The following FHIT variants were observed in gnomAD, a reference collection of about 807,000 sequenced individuals.
FHIT encodes bis(5'-adenosyl)-triphosphatase.
Under a neutral mutation model 17.9 loss-of-function variants are expected in FHIT, and 19 were observed. The observed-to-expected ratio is 1.06, with a 90% CI of 0.74 to 1.56. FHIT has a LOEUF of 1.56. FHIT is among the 40% of genes most tolerant of loss of function. FHIT has a pLI of 0.00. For missense variants in FHIT, 248 were observed against 189.2 expected (o/e 1.31, Z -1.82); for synonymous variants, 81 against 69.7 (o/e 1.16, Z -0.81).
At chr3:60,920,995 G>C (rs781920376) in intron 3 of FHIT, among the ~76,000 whole-genome samples, 4 of 152,152 alleles carry the variant, frequency 2.6e-5, no homozygotes, top group Non-Finnish European at 5.9e-5. Flanking sequence ...AACTGTATAA[G>C]TATAGGTTCA....
chr3:60,893,155 A>G (rs1392755308), intron 3 of FHIT, among the ~76,000 whole-genome samples: 2 of 152,192 alleles, frequency 1.3e-5, no homozygotes, highest in African/African-American at 2.4e-5. Context: ...AGAGAAAAGG[A>G]GCATCCTTAT....
intron 5 of FHIT, among the ~76,000 whole-genome samples, chr3:60,381,514 A>G: frequency 6.6e-6 from 1 of 152,054 alleles, no homozygotes; most frequent in East Asian, 1.9e-4. Context: ...AGAAAAGATC[A>G]TTAGACATAA....
intron 7 of FHIT, among the ~76,000 whole-genome samples, chr3:59,924,083 T>C (rs189886807): frequency 1.3e-5 from 2 of 152,196 alleles, no homozygotes; most frequent in East Asian, 3.9e-4. Context: ...AAACTACCCA[T>C]GAAACCAAAT....
At chr3:60,652,843 G>A (rs1553688644) in intron 4 of FHIT, among the ~76,000 whole-genome samples, 1 of 151,856 alleles carries the variant, frequency 6.6e-6, no homozygotes, top group African/African-American at 2.4e-5. Context: ...CTGGGAGGCA[G>A]AGGTTGCAGT....
chr3:60,869,328 A>G (rs1448253723), intron 3 of FHIT, among the ~76,000 whole-genome samples: 1 of 152,154 alleles, frequency 6.6e-6, no homozygotes, highest in Non-Finnish European at 1.5e-5. Flanking sequence ...GGGCATCATT[A>G]GAAGGACCCA....
At chr3:60,450,903 A>C (rs113964927) in intron 5 of FHIT, among the ~76,000 whole-genome samples, 1 of 152,210 alleles carries the variant, frequency 6.6e-6, no homozygotes, top group South Asian at 2.1e-4. Flanking sequence ...GAGAATAAAT[A>C]GTAGACTATT....
chr3:61,190,002 A>C (rs1292253003), intron 2 of FHIT, among the ~76,000 whole-genome samples: 10 of 151,720 alleles, frequency 6.6e-5, no homozygotes, highest in Admixed American at 2.0e-4. Context: ...CCTAGGCAAT[A>C]CCATTCAGGA....
intron 5 of FHIT, among the ~76,000 whole-genome samples, chr3:60,204,931 A>C (rs1195952392): frequency 1.3e-5 from 2 of 151,988 alleles, no homozygotes; most frequent in Non-Finnish European, 2.9e-5. Context: ...ATTTCTACCA[A>C]AAAAAACAAA....
intron 3 of FHIT, among the ~76,000 whole-genome samples, chr3:60,848,907 T>C (rs1193458667): frequency 6.6e-6 from 1 of 152,154 alleles, no homozygotes; most frequent in Non-Finnish European, 1.5e-5. Context: ...GAGAAGTTAC[T>C]AAACACTTTA....
intron 8 of FHIT, among the ~76,000 whole-genome samples, chr3:59,779,745 C>T (rs1330244078): frequency 1.3e-5 from 2 of 152,122 alleles, no homozygotes; most frequent in Non-Finnish European, 2.9e-5. Context: ...ACCTCTTTTT[C>T]CTTCACCTCC....
intron 3 of FHIT, among the ~76,000 whole-genome samples, chr3:60,925,585 G>C (rs371867594): frequency 1.3e-5 from 2 of 152,122 alleles, no homozygotes; most frequent in African/African-American, 2.4e-5. Flanking sequence ...AGGAACAACT[G>C]GTACCAGCCA....
At chr3:61,213,239 G>C (rs1457814567) in intron 1 of FHIT, among the ~76,000 whole-genome samples, 5 of 152,204 alleles carry the variant, frequency 3.3e-5, no homozygotes, top group Non-Finnish European at 5.9e-5. Context: ...AGACCCATCA[G>C]TGTGCTGTAT....
chr3:60,454,529 C>A (rs141611721), intron 5 of FHIT, among the ~76,000 whole-genome samples: 2,568 of 151,908 alleles, frequency 0.017, 76 homozygotes, highest in African/African-American at 0.057. Context: ...GGACTACAGG[C>A]ACCTGCCACC....
intron 8 of FHIT, among the ~76,000 whole-genome samples, chr3:59,755,258 C>A (rs147778357): frequency 1.1e-4 from 16 of 152,278 alleles, no homozygotes; most frequent in Non-Finnish European, 1.6e-4. Flanking sequence ...CACTAACATG[C>A]GGATGCAGTT....
intron 9 of FHIT, chr3:59,751,849 G>T: frequency 4.5e-6 from 1 of 222,870 alleles, no homozygotes; most frequent in Non-Finnish European, 8.5e-6. Context: ...TGAGCCTAAG[G>T]GCCATGTCAC....
intron 3 of FHIT, among the ~76,000 whole-genome samples, chr3:60,886,082 A>G (rs6793580): frequency 0.26 from 38,871 of 152,178 alleles, 5,725 homozygotes; most frequent in African/African-American, 0.39. Flanking sequence ...TAAATAAAAC[A>G]CATCTTTGCC....
intron 5 of FHIT, among the ~76,000 whole-genome samples, chr3:60,268,761 T>C (rs923865416): frequency 2.0e-5 from 3 of 152,144 alleles, no homozygotes; most frequent in Admixed American, 6.5e-5. Flanking sequence ...CCTCTGAATA[T>C]GCTTACATGG....
At chr3:60,780,254 C>T (rs1700339225) in intron 4 of FHIT, among the ~76,000 whole-genome samples, 1 of 152,156 alleles carries the variant, frequency 6.6e-6, no homozygotes, top group Non-Finnish European at 1.5e-5. Flanking sequence ...CCTCTGTTCT[C>T]TCTTCACTAA....
intron 2 of FHIT, among the ~76,000 whole-genome samples, chr3:61,166,127 T>C: frequency 6.6e-6 from 1 of 152,192 alleles, no homozygotes; most frequent in East Asian, 1.9e-4. Context: ...GCCACCGTTT[T>C]TTGTCAGTCA....
Sources: allele counts gnomAD v4.1 joint callset (sites outside exome capture counted in the v4.1 genomes callset), GRCh38; gene constraint gnomAD v4.1.1; transcripts MANE v1.5; gene names NCBI Gene and HGNC (gene_info 2026-07-23, HGNC 2026-07-21).